SLC45A4: variants seen among roughly 807,000 people sequenced by gnomAD.
SLC45A4 encodes the protein polyamine-transporter SLC45A4.
SLC45A4 carries 32 observed loss-of-function variants against 63.7 expected under a neutral mutation model. The ratio of observed to expected loss-of-function variants is 0.50; its 90% CI spans 0.38 to 0.67. The LOEUF is 0.67. Among genes scored for constraint, SLC45A4 ranks in the 30% least tolerant of loss-of-function variants. SLC45A4 has a pLI of 0.00. For synonymous variants in SLC45A4, 535 were observed against 510.0 expected (o/e 1.05, Z -0.66); for missense variants, 1,027 against 1,157.7 (o/e 0.89, Z 1.64).
chr8:141,275,143 T>C (rs934651358), intron 1 of SLC45A4, among the ~76,000 whole-genome samples: 2 of 152,320 alleles, frequency 1.3e-5, no homozygotes, highest in African/African-American at 2.4e-5. Flanking sequence ...AGTTATCCCA[T>C]AACCTCGTGG....
At chr8:141,240,002 A>G (rs912819704) in intron 2 of SLC45A4, among the ~76,000 whole-genome samples, 2 of 152,248 alleles carry the variant, frequency 1.3e-5, no homozygotes, top group African/African-American at 4.8e-5. Flanking sequence ...TCCCAGAGGA[A>G]GAAAAGGCGA....
chr8:141,270,647 G>A (rs1829487280), intron 1 of SLC45A4, among the ~76,000 whole-genome samples: 1 of 152,126 alleles, frequency 6.6e-6, no homozygotes, highest in South Asian at 2.1e-4. Context: ...CTCTAGCCAG[G>A]GTGACAGAGT....
Position 141,250,312 on chromosome 8 carries a change from C to G in SLC45A4, c.241+3677G>C, listed in dbSNP as rs191618221. Reference sequence around the variant, plus strand: ...TGGTTTTCACTTTGAGTACAGTATTCAATAAATTACACAAGATCTTCAACA... The same window carrying G: ...TGGTTTTCACTTTGAGTACAGTATTGAATAAATTACACAAGATCTTCAACA... On this transcript the variant is annotated intron_variant, in intron 2 of 8. Transcript: ENST00000517878. Among the ~76,000 whole-genome samples, 3 of 152,090 alleles carry G rather than the reference C, an allele frequency of 2.0e-5. No individual in the cohort carries two copies. In the East Asian group the frequency reaches 5.8e-4, roughly 29 times the overall value.
chr8:141,303,814 G>A (rs1830819456), intron 1 of SLC45A4, among the ~76,000 whole-genome samples: 1 of 152,352 alleles, frequency 6.6e-6, no homozygotes, highest in South Asian at 2.1e-4. Context: ...AGGTTTAGGA[G>A]GATGAAAGTA....
chr8:141,218,925 C>T lies in SLC45A4; in HGVS notation c.715G>A (p.Ala239Thr), dbSNP rs539535235. The stretch of plus-strand genomic sequence containing the variant: ...GCCACGGACACCGTGAAGATGATGG[C>T]GGCAAAGAAGAAGAGCACCTGGTTC... ...TQNQVLFFFAAIIFTVSVALH... is the reference protein window; with the variant it reads ...TQNQVLFFFATIIFTVSVALH... Residue 239 changes from alanine (A) to threonine (T), a missense_variant, in exon 5 of 9, where the codon GCC becomes ACC. Ala to Thr is a moderately conservative substitution (Grantham distance 58, BLOSUM62 0). Transcript: ENST00000517878. 194 of 1,613,752 alleles carry T rather than the reference C, an allele frequency of 1.2e-4. 2 individuals carry two copies. In the South Asian group the frequency reaches 1.6e-3, roughly 14 times the overall value.
intron 1 of SLC45A4, among the ~76,000 whole-genome samples, chr8:141,286,912 G>A (rs1391734619): frequency 1.3e-5 from 2 of 152,160 alleles, no homozygotes; most frequent in South Asian, 2.1e-4. Flanking sequence ...AGCTGCAGTG[G>A]GGAGGAGCTG....
intron 1 of SLC45A4, among the ~76,000 whole-genome samples, chr8:141,272,500 G>A (rs777089437): frequency 5.9e-5 from 9 of 152,164 alleles, no homozygotes; most frequent in Non-Finnish European, 1.2e-4. Context: ...CACAGTACCC[G>A]CTGTCAGTAC....
chr8:141,246,008 G>T (rs1569558650), intron 2 of SLC45A4, among the ~76,000 whole-genome samples: 1 of 152,206 alleles, frequency 6.6e-6, no homozygotes, highest in African/African-American at 2.4e-5. Flanking sequence ...GATTTTCAAA[G>T]GGAAAGTTTT....
chr8:141,235,224 G>C (rs369297686), intron 2 of SLC45A4, among the ~76,000 whole-genome samples: 1 of 152,330 alleles, frequency 6.6e-6, no homozygotes, highest in East Asian at 1.9e-4. Context: ...GAACGGCACT[G>C]ACTGCTCAAA....
At chr8:141,213,049 T>G (rs202168656) in intron 7 of SLC45A4, among the ~76,000 whole-genome samples, 2 of 135,016 alleles carry the variant, frequency 1.5e-5, no homozygotes, top group East Asian at 4.7e-4. Context: ...AAAAGAAAAC[T>G]GCTGTACATA....
intron 1 of SLC45A4, among the ~76,000 whole-genome samples, chr8:141,299,325 C>T (rs72683518): frequency 0.042 from 6,393 of 152,338 alleles, 187 homozygotes; most frequent in Middle Eastern, 0.085. Context: ...GAATTAAAAA[C>T]ACTCTCGACA....
chr8:141,300,471 G>C (rs1443218955), intron 1 of SLC45A4, among the ~76,000 whole-genome samples: 3 of 152,190 alleles, frequency 2.0e-5, no homozygotes, highest in Non-Finnish European at 2.9e-5. Flanking sequence ...AAATTCTCAG[G>C]GATGCCAAGT....
In SLC45A4 at chr8:141,218,784, C is replaced by T. The variant is rs756263729; in HGVS notation, c.856G>A (p.Glu286Lys). Residue 286 changes from glutamate (E) to lysine (K), a missense_variant, in exon 5 of 9, where the codon GAG becomes AAG. Coordinates refer to ENST00000517878, the MANE Select transcript of SLC45A4 (RefSeq NM_001286646.2). ...EPHGVPAFPD[E>K]VQSEHELALD... ...GCCAGCTCGTGCTCCGACTGTACCT[C>T]GTCTGGGAAGGCAGGGACGCCGTGC... 1.2e-5 allele frequency: 19 copies of T among 1,613,150 alleles called. No individual in the cohort carries two copies. The highest frequency in any genetic ancestry group is 2.2e-5 in the East Asian group (1 of 44,898).
chr8:141,247,244 T>C (rs755118329), intron 2 of SLC45A4, among the ~76,000 whole-genome samples: 3 of 152,154 alleles, frequency 2.0e-5, no homozygotes, highest in Admixed American at 6.5e-5. Flanking sequence ...ATAAGGTCAA[T>C]ATATAAAAAT....
chr8:141,285,315 T>A (rs1013372202), intron 1 of SLC45A4, among the ~76,000 whole-genome samples: 2 of 152,222 alleles, frequency 1.3e-5, no homozygotes, highest in African/African-American at 4.8e-5. Flanking sequence ...GTGGCTGAGA[T>A]TCCTCGGCCT....
At chr8:141,260,001 G>A (rs1029120297) in intron 1 of SLC45A4, among the ~76,000 whole-genome samples, 1 of 152,118 alleles carries the variant, frequency 6.6e-6, no homozygotes, top group Non-Finnish European at 1.5e-5. Context: ...ACCAGCCACC[G>A]GCTTATGCGT....
intron 1 of SLC45A4, among the ~76,000 whole-genome samples, chr8:141,271,324 C>T (rs980567866): frequency 6.6e-6 from 1 of 152,230 alleles, no homozygotes; most frequent in Admixed American, 6.5e-5. Flanking sequence ...GCTCTCCTGG[C>T]TGGCACCACA....
At chr8:141,300,905 G>A (rs933312338) in intron 1 of SLC45A4, among the ~76,000 whole-genome samples, 2 of 152,240 alleles carry the variant, frequency 1.3e-5, no homozygotes, top group African/African-American at 4.8e-5. Flanking sequence ...CACGGACCCC[G>A]TGACTCGACG....
chr8:141,259,282 G>A (rs1030086853), intron 1 of SLC45A4, among the ~76,000 whole-genome samples: 1 of 152,248 alleles, frequency 6.6e-6, no homozygotes, highest in African/African-American at 2.4e-5. Context: ...CAGCAAGACG[G>A]CTTCACGCCT....
Sources: allele counts gnomAD v4.1 joint callset (sites outside exome capture counted in the v4.1 genomes callset), GRCh38; gene constraint gnomAD v4.1.1; transcripts MANE v1.5; gene names NCBI Gene and HGNC (gene_info 2026-07-23, HGNC 2026-07-21).